The following PCDHGA2 variants were observed in gnomAD, a reference collection of about 807,000 sequenced individuals.
The protein encoded by PCDHGA2 is protocadherin gamma-A2.
Under a neutral mutation model 59.2 loss-of-function variants are expected in PCDHGA2, and 40 were observed. The observed-to-expected ratio is 0.68, with a 90% CI of 0.52 to 0.88. The LOEUF (loss-of-function observed/expected upper bound fraction) is 0.88, where lower values mean the gene tolerates loss of function less well. Among genes scored for constraint, PCDHGA2 ranks in the 40% least tolerant of loss-of-function variants. PCDHGA2 has a pLI of 0.00. For missense variants in PCDHGA2, 1,226 were observed against 1,204.0 expected, an observed-to-expected ratio of 1.02 and a Z score of -0.27; for synonymous variants, 560 against 526.0, an observed-to-expected ratio of 1.06 and a Z score of -0.89.
chr5:141,383,308 G>A, intron 1 of PCDHGA2: 1 of 1,613,976 alleles, frequency 6.2e-7, no homozygotes, highest in Non-Finnish European at 8.5e-7. Context: ...CTTGACGGAA[G>A]AAATAAATGT....
At chr5:141,355,270 G>A (rs1278856954) in intron 1 of PCDHGA2, 1 of 1,613,670 alleles carries the variant, frequency 6.2e-7, no homozygotes, top group Non-Finnish European at 8.5e-7. Flanking sequence ...GGGGGTTCTG[G>A]TGGAAATCAG....
intron 1 of PCDHGA2, chr5:141,426,993 G>A (rs1331210977): frequency 1.1e-5 from 5 of 456,742 alleles, no homozygotes; most frequent in Middle Eastern, 3.3e-4. Context: ...CAACGATAAT[G>A]CCCCAGTTTT....
At chr5:141,395,542 T>TTGTG (rs55729045) in intron 1 of PCDHGA2, 55 of 172,626 alleles carry the variant, frequency 3.2e-4, no homozygotes, top group East Asian at 1.2e-3. Context: ...TTGCTATTGT[T>TTGTG]TGTGTGTGTG....
chr5:141,418,620 A>T lies in PCDHGA2; in HGVS notation c.2425-76187A>T, dbSNP rs762197476. 180 of 1,613,904 alleles carry T rather than the reference A, an allele frequency of 1.1e-4. No homozygotes were observed. The highest frequency in any genetic ancestry group is 1.5e-4 in the Non-Finnish European group (172 of 1,179,900). On this transcript the variant is annotated intron_variant, in intron 1 of 3. Coordinates refer to ENST00000394576, the MANE Select transcript of PCDHGA2 (RefSeq NM_018915.4). The stretch of plus-strand genomic sequence containing the variant: ...GTGTACAGGGTTAGCCTTCGGGAAG[A>T]CGTGCCTCCAGGCACCTCCATCCTG...
chr5:141,443,708 T>G (rs2098400247), intron 1 of PCDHGA2, among the ~76,000 whole-genome samples: 1 of 152,192 alleles, frequency 6.6e-6, no homozygotes, highest in Non-Finnish European at 1.5e-5. Context: ...GAATAACATT[T>G]GCATATAAAA....
In PCDHGA2 at chr5:141,356,690, A is replaced by C. The variant is rs572628433; in HGVS notation, c.2424+15295A>C. ...TACTCCCTGGCCGAAGACACCTTCC[A>C]GGGTGCACCTCTGTCCTCCTATGTC... is the stretch of plus-strand genomic sequence containing the variant. On this transcript the variant is annotated intron_variant, in intron 1 of 3. Coordinates refer to ENST00000394576, the MANE Select transcript of PCDHGA2 (RefSeq NM_018915.4). 3 of 1,614,024 alleles carry C rather than the reference A, an allele frequency of 1.9e-6. No individual in the cohort carries two copies. The South Asian group carries it at 3.3e-5, about 18-fold the overall frequency.
chr5:141,372,034 G>A (rs1308858640), intron 1 of PCDHGA2: 10 of 1,613,358 alleles, frequency 6.2e-6, no homozygotes, highest in Non-Finnish European at 8.5e-6. Context: ...GCCAACGTGA[G>A]CCTGCGCGTG....
intron 1 of PCDHGA2, among the ~76,000 whole-genome samples, chr5:141,368,503 C>T (rs1016436156): frequency 3.3e-5 from 5 of 151,860 alleles, no homozygotes; most frequent in African/African-American, 7.3e-5. Flanking sequence ...CAGTAGGTGT[C>T]GACATTATTC....
At chr5:141,360,504 G>A in intron 1 of PCDHGA2, 1 of 1,613,932 alleles carries the variant, frequency 6.2e-7, no homozygotes, top group Non-Finnish European at 8.5e-7. Context: ...CAGTAATTGT[G>A]CAGGATATAA....
intron 1 of PCDHGA2, chr5:141,419,543 G>A (rs573594140): frequency 2.5e-5 from 40 of 1,612,106 alleles, no homozygotes; most frequent in African/African-American, 2.0e-4. Context: ...CGCACCGCGG[G>A]TGCTGTACCC....
chr5:141,385,171 T>C, intron 1 of PCDHGA2: 1 of 1,614,170 alleles, frequency 6.2e-7, no homozygotes, highest in South Asian at 1.1e-5. Context: ...CCATGAGGTC[T>C]CCCTCACCGC....
At chr5:141,375,378 T>A (rs1226520501) in intron 1 of PCDHGA2, 11 of 1,613,954 alleles carry the variant, frequency 6.8e-6, no homozygotes, top group Non-Finnish European at 9.3e-6. Flanking sequence ...ACACCACCTC[T>A]GTCTACAGAA....
chr5:141,341,420 G>A (rs1351098792), intron 1 of PCDHGA2, 25 bp downstream of exon 1: 2 of 1,613,006 alleles, frequency 1.2e-6, no homozygotes, highest in Non-Finnish European at 1.7e-6. Flanking sequence ...CACAACATAC[G>A]TACTAGCTAG....
At chr5:141,446,263 C>T (rs2098496356) in intron 1 of PCDHGA2, among the ~76,000 whole-genome samples, 1 of 152,010 alleles carries the variant, frequency 6.6e-6, no homozygotes, top group East Asian at 1.9e-4. Flanking sequence ...ATATTATTAA[C>T]TGAATAAATA....
Position 141,491,478 on chromosome 5 carries a change from C to A in PCDHGA2, c.2425-3329C>A. ...CCCCGGACTTCTATAAGCAGTCCAG[C>A]CCCAACCTGCAGGTGAGCTCGGACG... On this transcript the variant is annotated intron_variant, in intron 1 of 3. Coordinates refer to ENST00000394576, the MANE Select transcript of PCDHGA2 (RefSeq NM_018915.4). The surrounding 1 kb of genome is among the most constrained non-coding windows in gnomAD (Gnocchi z 6.9). 6.2e-7 allele frequency: 1 copy of A among 1,614,068 alleles called. No individual in the cohort carries two copies. Among genetic ancestry groups the A allele is most frequent in the Non-Finnish European group, 8.5e-7 (1 of 1,180,004 alleles).
At position 141,489,257 on chromosome 5, in the gene PCDHGA2, T is replaced by TC. The variant is rs773157586; in HGVS notation, c.2425-5547dup. The stretch of plus-strand genomic sequence containing the variant: ...TTCTGGGTCATGGGGCCCAAGACAC[T>TC]CCCACAGCTCGCTGGGAAATGGCAA... On this transcript the variant is annotated intron_variant, in intron 1 of 3. Coordinates refer to ENST00000394576, the MANE Select transcript of PCDHGA2 (RefSeq NM_018915.4). The surrounding 1 kb of genome is among the most constrained non-coding windows in gnomAD (Gnocchi z 4.5). 1 of 1,550,308 alleles carries TC rather than the reference T, an allele frequency of 6.5e-7. No homozygotes were observed. Among genetic ancestry groups the TC allele is most frequent in the Non-Finnish European group, 8.7e-7 (1 of 1,148,342 alleles).
chr5:141,365,709 C>G (rs1476757852), intron 1 of PCDHGA2: 2 of 1,613,646 alleles, frequency 1.2e-6, no homozygotes, highest in African/African-American at 2.7e-5. Context: ...TACTCCACCT[C>G]TGTCACAGAA....
chr5:141,372,323 G>T, intron 1 of PCDHGA2: 5 of 1,613,694 alleles, frequency 3.1e-6, no homozygotes, highest in Non-Finnish European at 4.2e-6. Context: ...AGCGCCTGCT[G>T]GTCACTGTGC....
intron 2 of PCDHGA2, among the ~76,000 whole-genome samples, chr5:141,501,324 CA>C (rs1311475307): frequency 7.2e-5 from 11 of 151,778 alleles, no homozygotes; most frequent in African/African-American, 1.9e-4. Flanking sequence ...CACACACACA[CA>C]CACACACACC....
Sources: gnomAD v4.1 joint callset for allele counts (sites outside exome capture counted in the v4.1 genomes callset) on GRCh38, gnomAD v4.1.1 for gene constraint, Gnocchi (gnomAD v3.1) non-coding constraint, MANE v1.5 for transcripts, NCBI Gene and HGNC (gene_info 2026-07-23, HGNC 2026-07-21) for gene names.